The following GRID2 variants were observed in gnomAD, a reference collection of about 807,000 sequenced individuals.
The protein encoded by GRID2 is glutamate ionotropic receptor delta type subunit 2.
A neutral mutation model predicts 114.8 loss-of-function variants in GRID2; 33 were observed. The observed-to-expected ratio is 0.29, with a 90% CI of 0.22 to 0.38. The LOEUF (loss-of-function observed/expected upper bound fraction) is 0.38, where lower values mean the gene tolerates loss of function less well. Ranked by LOEUF, GRID2 falls within the 10% of genes least tolerant of loss-of-function variation. The pLI is 1.00. For missense variants in GRID2, 1,184 were observed against 1,257.7 expected (o/e 0.94, Z 0.89); for synonymous variants, 505 against 449.9 (o/e 1.12, Z -1.55).
chr4:93,480,442 T>C (rs963414027), intron 11 of GRID2, among the ~76,000 whole-genome samples: 1 of 152,070 alleles, frequency 6.6e-6, no homozygotes, highest in Non-Finnish European at 1.5e-5. Context: ...TATCCATACA[T>C]ATCAAGAAGC....
At chr4:93,693,062 C>A (rs1259654191) in intron 14 of GRID2, among the ~76,000 whole-genome samples, 1 of 152,108 alleles carries the variant, frequency 6.6e-6, no homozygotes, top group African/African-American at 2.4e-5. Flanking sequence ...CTATGTTTTA[C>A]TACATTTCAG....
At chr4:92,401,565 C>G (rs1420563969) in intron 1 of GRID2, among the ~76,000 whole-genome samples, 4 of 152,058 alleles carry the variant, frequency 2.6e-5, no homozygotes, top group Non-Finnish European at 5.9e-5. Context: ...TTTTCTGTTT[C>G]CCACTGCATA....
At chr4:93,591,893 G>A (rs1249629737) in intron 13 of GRID2, among the ~76,000 whole-genome samples, 17 of 151,952 alleles carry the variant, frequency 1.1e-4, no homozygotes, top group Non-Finnish European at 2.1e-4. Context: ...CTGTGGGATC[G>A]GTGGTGATAT....
chr4:93,491,687 T>C (rs1354018207), intron 12 of GRID2, among the ~76,000 whole-genome samples: 1 of 151,892 alleles, frequency 6.6e-6, no homozygotes, highest in Non-Finnish European at 1.5e-5. Context: ...TAATTAGATA[T>C]GTCAGGGAAT....
At chr4:93,424,982 T>G (rs1768697024) in intron 10 of GRID2, among the ~76,000 whole-genome samples, 1 of 152,154 alleles carries the variant, frequency 6.6e-6, no homozygotes, top group African/African-American at 2.4e-5. Context: ...TCTAGATTGC[T>G]TATTTTTTCT....
chr4:92,970,952 A>C (rs1753471062), intron 2 of GRID2, among the ~76,000 whole-genome samples: 1 of 151,810 alleles, frequency 6.6e-6, no homozygotes, highest in African/African-American at 2.4e-5. Context: ...CACATTGCAT[A>C]TATATGTATA....
chr4:92,320,466 T>A (rs1418802772), intron 1 of GRID2, among the ~76,000 whole-genome samples: 1 of 152,118 alleles, frequency 6.6e-6, no homozygotes, highest in African/African-American at 2.4e-5. Flanking sequence ...TCGAATAATA[T>A]TACCTACTTT....
intron 11 of GRID2, among the ~76,000 whole-genome samples, chr4:93,461,911 C>T (rs942303287): frequency 1.3e-5 from 2 of 152,098 alleles, no homozygotes; most frequent in African/African-American, 2.4e-5. Context: ...GGCAGTGACT[C>T]TATCATCTGG....
At chr4:92,566,625 G>C (rs952859041) in intron 1 of GRID2, among the ~76,000 whole-genome samples, 1 of 151,940 alleles carries the variant, frequency 6.6e-6, no homozygotes, top group South Asian at 2.1e-4. Flanking sequence ...AATGAGTGAA[G>C]AAATTATGCT....
rs1279150545 is a variant in GRID2 at position 93,282,305 on chromosome 4, C to T, written c.1245+43815C>T. On this transcript the variant is annotated intron_variant, in intron 8 of 15. Transcript: ENST00000282020. ...AACAATTAAAAGTACCTGCCTTAGT[C>T]CATTTTGGGCTGCTATGACAGAATA... is the stretch of plus-strand genomic sequence containing the variant. 5 of 353,564 alleles carry T rather than the reference C, an allele frequency of 1.4e-5. 1 individual carries two copies. The highest frequency in any genetic ancestry group is 4.0e-4 in the Middle Eastern group (1 of 2,482). 21.9% of individuals were successfully genotyped at this position (353,564 alleles called of 1,614,324 possible). A position where few individuals can be genotyped will look rare whatever the true frequency, so the allele number is the denominator to read the frequency against.
At chr4:92,694,091 A>C (rs1165307402) in intron 2 of GRID2, among the ~76,000 whole-genome samples, 1 of 152,178 alleles carries the variant, frequency 6.6e-6, no homozygotes, top group Non-Finnish European at 1.5e-5. Context: ...CAACATACAA[A>C]TGTGCTATCT....
At chr4:93,137,013 T>C (rs774799845) in intron 4 of GRID2, among the ~76,000 whole-genome samples, 4 of 152,156 alleles carry the variant, frequency 2.6e-5, no homozygotes, top group Non-Finnish European at 5.9e-5. Flanking sequence ...CAGACAAAAA[T>C]TAATATAGAA....
intron 2 of GRID2, among the ~76,000 whole-genome samples, chr4:92,646,605 CTA>C (rs1731642250): frequency 6.6e-6 from 1 of 152,204 alleles, no homozygotes; most frequent in Non-Finnish European, 1.5e-5. Context: ...TATTTTTTGT[CTA>C]TGATGACTGC....
chr4:92,424,523 A>C (rs28374338), intron 1 of GRID2, among the ~76,000 whole-genome samples: 2,570 of 152,136 alleles, frequency 0.017, 78 homozygotes, highest in African/African-American at 0.059. Context: ...CTACAGTGAT[A>C]AACTGGAAGT....
At chr4:92,582,554 T>A (rs897533512) in intron 1 of GRID2, among the ~76,000 whole-genome samples, 6 of 151,916 alleles carry the variant, frequency 3.9e-5, no homozygotes, top group Non-Finnish European at 1.5e-5. Flanking sequence ...CTTCAAAGTA[T>A]GCAAAAAGTA....
intron 2 of GRID2, among the ~76,000 whole-genome samples, chr4:92,719,215 G>C (rs1245663440): frequency 6.6e-6 from 1 of 152,054 alleles, no homozygotes; most frequent in East Asian, 1.9e-4. Context: ...TCGAACTCCT[G>C]AACTGAGATG....
chr4:93,088,512 G>A (rs1730517140), intron 3 of GRID2, among the ~76,000 whole-genome samples: 1 of 152,108 alleles, frequency 6.6e-6, no homozygotes, highest in African/African-American at 2.4e-5. Context: ...TTCTACTGGT[G>A]TGTAAAGAAG....
intron 2 of GRID2, among the ~76,000 whole-genome samples, chr4:92,781,950 T>A (rs1739099511): frequency 6.6e-6 from 1 of 152,094 alleles, no homozygotes; most frequent in Non-Finnish European, 1.5e-5. Flanking sequence ...GTCTGCTTAT[T>A]TTTCTTTTTA....
chr4:92,828,406 GCTTAA>G (rs1350920497), intron 2 of GRID2, among the ~76,000 whole-genome samples: 4 of 152,032 alleles, frequency 2.6e-5, no homozygotes, highest in Admixed American at 6.6e-5. Flanking sequence ...AGATGAAACT[GCTTAA>G]CTTATTTAAG....
Sources: gnomAD v4.1 joint callset for allele counts (sites outside exome capture counted in the v4.1 genomes callset) on GRCh38, gnomAD v4.1.1 for gene constraint, MANE v1.5 for transcripts, NCBI Gene and HGNC (gene_info 2026-07-23, HGNC 2026-07-21) for gene names.